The following TMEM52B variants were observed in gnomAD, a reference collection of about 807,000 sequenced individuals.
The protein encoded by TMEM52B is chromosome 12 open reading frame 59.
In TMEM52B, 11 loss-of-function variants were observed where a neutral mutation model predicts 16.1. The ratio of observed to expected loss-of-function variants is 0.68; its 90% CI spans 0.43 to 1.13. The LOEUF (loss-of-function observed/expected upper bound fraction) is 1.13. Ranked by LOEUF, TMEM52B falls within the 50% of genes most tolerant of loss-of-function variation. TMEM52B has a pLI of 0.00. For synonymous variants in TMEM52B, 101 were observed against 93.8 expected, an observed-to-expected ratio of 1.08 and a Z score of -0.45; for missense variants, 243 against 230.4, an observed-to-expected ratio of 1.05 and a Z score of -0.35.
rs73056073 is a variant in TMEM52B, at chr12:10,190,694, C to A, written c.*554C>A. On this transcript the variant is annotated 3_prime_UTR_variant, in exon 5 of 5. Transcript: ENST00000543484. ...GCATTGCTGATATGGGCAAAGAGAA[C>A]ACAGTATAGTATTTAAGTGCCAAAT... 0.085 allele frequency: 13,884 copies of A among 163,724 alleles called. 785 individuals are homozygous for A. Among genetic ancestry groups the A allele is most frequent in the Non-Finnish European group, 0.13 (9,698 of 73,434 alleles). The allele number at this position is 163,724 out of a possible 1,614,324, so 10.1% of individuals were successfully genotyped here.
chr12:10,181,618 A>G lies in TMEM52B; in HGVS notation c.55-932A>G, dbSNP rs553454234. ...GCTGGGATTACAGGCGTGAGCCACC[A>G]CGCCTGGCCTGGTCACATTACTTAA... On this transcript the variant is annotated intron_variant, in intron 1 of 4. Transcript: ENST00000543484. Among the ~76,000 whole-genome samples, 55 of 150,516 alleles carry G rather than the reference A, an allele frequency of 3.7e-4. 1 individual carries two copies. The South Asian group carries it at 0.012, about 32-fold the overall frequency.
chr12:10,189,558 A>G (rs1948931006), intron 4 of TMEM52B, among the ~76,000 whole-genome samples: 1 of 141,906 alleles, frequency 7.0e-6, no homozygotes. Flanking sequence ...CAGGAGGCGG[A>G]GGTTGCAATG....
intron 2 of TMEM52B, 46 bp from the exon 3 acceptor site, chr12:10,185,284 G>A: frequency 7.6e-7 from 1 of 1,319,696 alleles, no homozygotes; most frequent in South Asian, 1.2e-5. Flanking sequence ...TTATAACAGG[G>A]ATTGACTATA....
chr12:10,170,892 T>C (rs958106034), intron 1 of TMEM52B: 5 of 152,296 alleles, frequency 3.3e-5, no homozygotes, highest in Admixed American at 6.5e-5. Context: ...TTGTCCTGTG[T>C]CCTTGGTAGG....
chr12:10,176,267 G>A (rs984853891), upstream of TMEM52B, among the ~76,000 whole-genome samples: 5 of 151,582 alleles, frequency 3.3e-5, no homozygotes, highest in Admixed American at 6.6e-5. Context: ...TCATTCATTA[G>A]GATAAAAACA....
intron 1 of TMEM52B, among the ~76,000 whole-genome samples, chr12:10,181,487 G>A (rs903455912): frequency 2.6e-5 from 4 of 151,376 alleles, no homozygotes; most frequent in African/African-American, 4.9e-5. Flanking sequence ...ACATCACCAC[G>A]CCGGGCTAAT....
chr12:10,179,481 A>G lies in TMEM52B; in HGVS notation c.-94A>G. 1 of 1,369,698 alleles carries G rather than the reference A, an allele frequency of 7.3e-7. No homozygotes were observed. The highest frequency in any genetic ancestry group is 1.2e-5 in the South Asian group (1 of 86,072). The allele number at this position is 1,369,698 out of a possible 1,614,324, so 84.8% of individuals were successfully genotyped here. A position where few individuals can be genotyped will look rare whatever the true frequency, so the allele number is the denominator to read the frequency against. On this transcript the variant is annotated 5_prime_UTR_variant, in exon 1 of 5. Transcript: ENST00000543484. Reference sequence around the variant, plus strand: ...CCTGAGAAAAGTTTCTCTTCTTAAGAATTCTAGGTCAAGAAGTAAAATATG... The same window carrying G: ...CCTGAGAAAAGTTTCTCTTCTTAAGGATTCTAGGTCAAGAAGTAAAATATG...
chr12:10,189,056 C>G (rs1349691557), intron 4 of TMEM52B, among the ~76,000 whole-genome samples: 1 of 121,272 alleles, frequency 8.2e-6, no homozygotes, highest in Non-Finnish European at 1.7e-5. Flanking sequence ...AAAAAATTAG[C>G]CAGGCACGTT....
At position 10,190,122 on chromosome 12, in the gene TMEM52B, A is replaced by G. The variant is rs374616044; in HGVS notation, c.534A>G (p.Ile178Met). The change falls in exon 5 of 5, where the codon ATA (isoleucine) becomes ATG (methionine). Residue 178 changes from isoleucine (I) to methionine (M), a missense_variant. Physicochemically the swap from Ile to Met is conservative, Grantham distance 10 (BLOSUM62 1). Coordinates refer to ENST00000543484, the MANE Select transcript of TMEM52B (RefSeq NM_001384896.1). ...CAACAGAGAAGGAGTCGACTCGAATAGTTGACTCTTGGAACTGATGAGAGC... is the reference window on the plus strand; with the variant it reads ...CAACAGAGAAGGAGTCGACTCGAATGGTTGACTCTTGGAACTGATGAGAGC... ...LPPTEKESTRIVDSWN is the reference protein window; with the variant it reads ...LPPTEKESTRMVDSWN The G allele has an allele frequency of 6.8e-6, 11 of 1,614,224 alleles. No individual in the cohort carries two copies. The highest frequency in any genetic ancestry group is 9.3e-6 in the Non-Finnish European group (11 of 1,180,034).
intron 1 of TMEM52B, among the ~76,000 whole-genome samples, chr12:10,172,679 C>A (rs1285722985): frequency 6.6e-6 from 1 of 152,158 alleles, no homozygotes; most frequent in Non-Finnish European, 1.5e-5. Context: ...TCATGCAGTG[C>A]CAGTGTAACG....
chr12:10,183,660 A>ATTT (rs56737647), intron 2 of TMEM52B, among the ~76,000 whole-genome samples: 1 of 150,656 alleles, frequency 6.6e-6, no homozygotes, highest in African/African-American at 2.4e-5. Flanking sequence ...TACAATCCCT[A>ATTT]TTTTTTTTTC....
intron 1 of TMEM52B, 24 bp from the exon 2 acceptor site, chr12:10,182,526 A>G (rs924369643): frequency 5.2e-6 from 8 of 1,533,432 alleles, no homozygotes; most frequent in Non-Finnish European, 6.1e-6. Flanking sequence ...ATTTCCCTGT[A>G]TAAGACAATT....
chr12:10,187,348 C>T (rs1591992296), intron 4 of TMEM52B, among the ~76,000 whole-genome samples: 1 of 152,014 alleles, frequency 6.6e-6, no homozygotes, highest in East Asian at 1.9e-4. Flanking sequence ...GATCCACCTG[C>T]CTCCGCCTCA....
intron 1 of TMEM52B, chr12:10,172,073 G>T: frequency 6.2e-7 from 1 of 1,613,012 alleles, no homozygotes; most frequent in Non-Finnish European, 8.5e-7. Context: ...GTCATCAAAA[G>T]TCATTTCCAA....
intron 3 of TMEM52B, 59 bp from the exon 4 acceptor site, chr12:10,186,361 G>A (rs1392929671): frequency 2.0e-6 from 3 of 1,475,962 alleles, no homozygotes; most frequent in Non-Finnish European, 2.7e-6. Context: ...ACTGGTTACA[G>A]CAGAGCTGGG....
chr12:10,176,036 A>G (rs7300650), upstream of TMEM52B, among the ~76,000 whole-genome samples: 81,137 of 152,142 alleles, frequency 0.53, 22,495 homozygotes, highest in Middle Eastern at 0.71. Flanking sequence ...AACTACCTGG[A>G]CATAAGCTAA....
chr12:10,172,066 A>G (rs1222750941), intron 1 of TMEM52B: 4 of 1,613,334 alleles, frequency 2.5e-6, no homozygotes, highest in Non-Finnish European at 3.4e-6. Flanking sequence ...TCTTTAGGTC[A>G]TCAAAAGTCA....
upstream of TMEM52B, among the ~76,000 whole-genome samples, chr12:10,176,035 G>T (rs1948763060): frequency 6.6e-6 from 1 of 152,150 alleles, no homozygotes; most frequent in Non-Finnish European, 1.5e-5. Context: ...TAACTACCTG[G>T]ACATAAGCTA....
At chr12:10,189,647 G>A (rs998408495) in intron 4 of TMEM52B, among the ~76,000 whole-genome samples, 1 of 147,008 alleles carries the variant, frequency 6.8e-6, no homozygotes, top group African/African-American at 2.5e-5. Context: ...AAAAAAGAGA[G>A]AGAGAGAGAT....
Sources: gnomAD v4.1 joint callset for allele counts (sites outside exome capture counted in the v4.1 genomes callset) on GRCh38, gnomAD v4.1.1 for gene constraint, MANE v1.5 for transcripts, NCBI Gene and HGNC (gene_info 2026-07-23, HGNC 2026-07-21) for gene names.